Variants in EXOC1 observed in about 807,000 individuals in gnomAD.
EXOC1 encodes SEC3-like 1.
EXOC1 carries 67 observed loss-of-function variants against 107.7 expected under a neutral mutation model. The ratio of observed to expected loss-of-function variants is 0.62; its 90% CI spans 0.51 to 0.76. EXOC1 has a LOEUF of 0.76. Ranked by LOEUF, EXOC1 falls within the 30% of genes least tolerant of loss-of-function variation. The probability of loss-of-function intolerance (pLI) is 0.00; values close to 1 mark genes in which losing one functional copy is unlikely to be tolerated. For missense variants in EXOC1, 833 were observed against 1,055.7 expected (o/e 0.79, Z 2.92); for synonymous variants, 348 against 353.5 (o/e 0.98, Z 0.17).
At chr4:55,871,784 T>C (rs1722466446) in intron 7 of EXOC1, 65 bp from the exon 8 acceptor site, 3 of 1,380,956 alleles carry the variant, frequency 2.2e-6, no homozygotes, top group Non-Finnish European at 3.1e-6. Flanking sequence ...CGTTTAATGT[T>C]CCATTAAACA....
chr4:55,897,227 A>G (rs558685897), intron 16 of EXOC1, among the ~76,000 whole-genome samples: 1 of 151,738 alleles, frequency 6.6e-6, no homozygotes, highest in East Asian at 2.0e-4. Context: ...CCCAGGCTCA[A>G]AAGATCCTCC....
chr4:55,871,390 G>A (rs887465946), intron 7 of EXOC1, among the ~76,000 whole-genome samples, 157 bp downstream of exon 7: 5 of 152,156 alleles, frequency 3.3e-5, no homozygotes, highest in Admixed American at 6.5e-5. Context: ...TATTTCTATT[G>A]ATACTAGGAA....
Position 55,900,058 on chromosome 4 carries a change from C to A in EXOC1, c.2337+174C>A, listed in dbSNP as rs77213859. Reference sequence around the variant, plus strand: ...CTGCTAGATGCTATATATTTTATTTCTTCTTTCTGTACATTATTTTTATAC... The same window carrying A: ...CTGCTAGATGCTATATATTTTATTTATTCTTTCTGTACATTATTTTTATAC... On this transcript the variant is annotated intron_variant, in intron 17 of 18. Transcript: ENST00000381295. Among the ~76,000 whole-genome samples the A allele has an allele frequency of 1.1e-4, 16 of 152,172 alleles. No homozygotes were observed. In the East Asian group the frequency reaches 2.5e-3, roughly 24 times the overall value.
At chr4:55,875,771 G>A (rs1722842199) in intron 8 of EXOC1, 4 of 985,150 alleles carry the variant, frequency 4.1e-6, no homozygotes, top group African/African-American at 1.7e-5. Flanking sequence ...ACCAATTAAG[G>A]CACATAGTTT....
chr4:55,870,763 A>G lies in EXOC1; in HGVS notation c.689A>G (p.Gln230Arg), dbSNP rs756658541. ...GATGAGGCTCTAAAGGAGGTAGATCAGATTGAATTGAAACTGAGCAGTTAT... is the reference window on the plus strand; with the variant it reads ...GATGAGGCTCTAAAGGAGGTAGATCGGATTGAATTGAAACTGAGCAGTTAT... The part of the protein sequence containing the change: ...LLDEALKEVD[Q>R]IELKLSSYEE... Residue 230 changes from glutamine (Q) to arginine (R), a missense_variant, in exon 6 of 19, where the codon CAG (glutamine) becomes CGG (arginine). By Grantham distance (43) the Gln-to-Arg change is conservative (BLOSUM62 1). Transcript: ENST00000381295. 9 of 1,613,944 alleles carry G rather than the reference A, an allele frequency of 5.6e-6. No individual in the cohort carries two copies. Among genetic ancestry groups the G allele is most frequent in the Non-Finnish European group, 7.6e-6 (9 of 1,179,908 alleles).
At chr4:55,904,127 G>A (rs1282943703) in intron 18 of EXOC1, among the ~76,000 whole-genome samples, 1 of 151,300 alleles carries the variant, frequency 6.6e-6, no homozygotes, top group Non-Finnish European at 1.5e-5. Context: ...TATTATCTTG[G>A]TTTATAGATG....
At chr4:55,881,244 A>G (rs531573486) in intron 9 of EXOC1, among the ~76,000 whole-genome samples, 90 of 152,168 alleles carry the variant, frequency 5.9e-4, no homozygotes, top group African/African-American at 2.0e-3. Context: ...TGGGTCATAC[A>G]TGTAGGGTAG....
chr4:55,863,720 A>C (rs994487600), intron 3 of EXOC1, among the ~76,000 whole-genome samples: 3 of 152,142 alleles, frequency 2.0e-5, no homozygotes, highest in African/African-American at 7.2e-5. Flanking sequence ...TCTGCTTTTC[A>C]CCTCACTTGT....
At chr4:55,891,939 A>G (rs989625022) in intron 13 of EXOC1, among the ~76,000 whole-genome samples, 2 of 152,232 alleles carry the variant, frequency 1.3e-5, no homozygotes, top group Non-Finnish European at 2.9e-5. Flanking sequence ...AGTAGATATC[A>G]TAGTGCCTAT....
intron 4 of EXOC1, among the ~76,000 whole-genome samples, chr4:55,865,744 C>A (rs1721901958): frequency 6.6e-6 from 1 of 151,870 alleles, no homozygotes; most frequent in Non-Finnish European, 1.5e-5. Flanking sequence ...AATACATACC[C>A]TACCTGGATC....
At position 55,883,991 on chromosome 4, in the gene EXOC1, A is replaced by G. The variant is rs1723643114; in HGVS notation, c.1330+63A>G. The G allele has an allele frequency of 8.4e-6, 10 of 1,183,496 alleles. No homozygotes were observed. In the South Asian group the frequency reaches 1.5e-4, roughly 18 times the overall value. 73.3% of individuals were successfully genotyped at this position (1,183,496 alleles called of 1,614,324 possible). On this transcript the variant is annotated intron_variant, in intron 10 of 18. Transcript: ENST00000381295. ...AAAATGGCTTTATTTATAACAAATAATTCTAAGACTTCTTAAGCAAGGTGG... is the reference window on the plus strand; with the variant it reads ...AAAATGGCTTTATTTATAACAAATAGTTCTAAGACTTCTTAAGCAAGGTGG...
At chr4:55,863,669 T>C (rs1721687821) in intron 3 of EXOC1, among the ~76,000 whole-genome samples, 1 of 152,204 alleles carries the variant, frequency 6.6e-6, no homozygotes, top group Non-Finnish European at 1.5e-5. Flanking sequence ...ATATCTTTAA[T>C]CATTCCTTAT....
chr4:55,898,172 A>G (rs1020421723), intron 16 of EXOC1, among the ~76,000 whole-genome samples: 4 of 152,136 alleles, frequency 2.6e-5, no homozygotes, highest in African/African-American at 4.8e-5. Context: ...CAGGAGAATC[A>G]TTTGAGCTCA....
Position 55,890,206 on chromosome 4 carries a change from G to A in EXOC1, c.1376-17G>A. 2 of 1,612,452 alleles carry A rather than the reference G, an allele frequency of 1.2e-6. No homozygotes were observed. The highest frequency in any genetic ancestry group is 1.7e-6 in the Non-Finnish European group (2 of 1,178,922). Reference sequence around the variant, plus strand: ...ATTTGTGAAGATCACAACTTTCAAAGTTTTATTATTTCTTAGGTCTTCATG... The same window carrying A: ...ATTTGTGAAGATCACAACTTTCAAAATTTTATTATTTCTTAGGTCTTCATG... On this transcript the variant is annotated splice_polypyrimidine_tract_variant and intron_variant, in intron 11 of 18. Transcript: ENST00000381295.
At chr4:55,875,180 T>C (rs778816532) in intron 8 of EXOC1, among the ~76,000 whole-genome samples, 1 of 152,184 alleles carries the variant, frequency 6.6e-6, no homozygotes, top group Non-Finnish European at 1.5e-5. Flanking sequence ...AACATACATA[T>C]ACAGAAACAA....
chr4:55,875,841 A>G (rs1722849201), intron 8 of EXOC1: 1 of 962,590 alleles, frequency 1.0e-6, no homozygotes, highest in Admixed American at 6.2e-5. Flanking sequence ...GAAGTGGGCC[A>G]ATAACTTGAG....
At chr4:55,903,580 A>T (rs1396038893) in intron 18 of EXOC1, among the ~76,000 whole-genome samples, 1 of 152,204 alleles carries the variant, frequency 6.6e-6, no homozygotes, top group Non-Finnish European at 1.5e-5. Context: ...AAAATCTTGG[A>T]AGAATACATT....
chr4:55,875,580 A>G (rs1722822658), intron 8 of EXOC1: 2 of 985,216 alleles, frequency 2.0e-6, no homozygotes, highest in South Asian at 9.4e-5. Context: ...GTTAATTGAC[A>G]TTTGTGCCTG....
intron 3 of EXOC1, among the ~76,000 whole-genome samples, chr4:55,861,809 T>A (rs1403902634): frequency 6.6e-6 from 1 of 152,234 alleles, no homozygotes; most frequent in African/African-American, 2.4e-5. Context: ...ATCCTAACAC[T>A]TTGGGAGGCC....
Sources: gnomAD v4.1 joint callset for allele counts (sites outside exome capture counted in the v4.1 genomes callset) on GRCh38, gnomAD v4.1.1 for gene constraint, MANE v1.5 for transcripts, NCBI Gene and HGNC (gene_info 2026-07-23, HGNC 2026-07-21) for gene names.